Variants in ERAP1 observed in about 807,000 individuals in gnomAD.
ERAP1 encodes the protein endoplasmic reticulum aminopeptidase 1.
A neutral mutation model predicts 103.7 loss-of-function variants in ERAP1; 86 were observed. That is an observed-to-expected ratio of 0.83 (90% CI 0.70 to 0.99). The LOEUF (loss-of-function observed/expected upper bound fraction) is 0.99, where lower values mean the gene tolerates loss of function less well. Ranked by LOEUF, ERAP1 falls within the 50% of genes least tolerant of loss-of-function variation. ERAP1 has a pLI of 0.00. For synonymous variants in ERAP1, 398 were observed against 402.4 expected (o/e 0.99, Z 0.13); for missense variants, 1,009 against 1,128.4 (o/e 0.89, Z 1.52).
the ERAP1 span, chr5:96,935,171 C>A: frequency 6.6e-6 from 1 of 152,200 alleles, no homozygotes; most frequent in Non-Finnish European, 1.5e-5. Flanking sequence ...CCCCGGGAAC[C>A]GCAGGTGTTG....
chr5:96,856,365 T>TATATATAGAGAGAGAGAG, the ERAP1 span, among the ~76,000 whole-genome samples: 22 of 20,380 alleles, frequency 1.1e-3, 1 homozygote, highest in African/African-American at 2.0e-3. Context: ...TATATATATA[T>TATATATAGAGAGAGAGAG]AGAGAGAGAG....
In ERAP1 at chr5:96,776,343, T is replaced by TCAA. The variant is rs1288132457; in HGVS notation, c.*50_*52dup. The TCAA allele has an allele frequency of 3.8e-6, 6 of 1,572,702 alleles. No individual in the cohort carries two copies. In the African/African-American group the frequency reaches 6.8e-5, roughly 18 times the overall value. On this transcript the variant is annotated 3_prime_UTR_variant, in exon 19 of 19. Transcript: ENST00000443439. ...AGCCATCTCTAGTTTGAAAATACAC[T>TCAA]CAACAAAATGTTGGTGATTAGAGAT...
At chr5:96,883,182 T>C in the ERAP1 span, among the ~76,000 whole-genome samples, 1 of 152,164 alleles carries the variant, frequency 6.6e-6, no homozygotes, top group African/African-American at 2.4e-5. Flanking sequence ...CGTGAAGGCG[T>C]AGTTTGCATC....
upstream of ERAP1, among the ~76,000 whole-genome samples, chr5:96,809,312 T>C (rs1327034103): frequency 6.6e-6 from 1 of 152,210 alleles, no homozygotes; most frequent in East Asian, 1.9e-4. Flanking sequence ...GTCTCAGCCT[T>C]ATTTTACCCA....
chr5:96,807,728 C>G (rs921733465), intron 1 of ERAP1, 132 bp downstream of exon 1: 2 of 580,048 alleles, frequency 3.4e-6, no homozygotes, highest in Non-Finnish European at 4.4e-6. Flanking sequence ...CGTCTCCCTC[C>G]TCCCGTGCCC....
chr5:96,923,388 G>A, the ERAP1 span, among the ~76,000 whole-genome samples: 1 of 152,046 alleles, frequency 6.6e-6, no homozygotes, highest in Non-Finnish European at 1.5e-5. Context: ...AACCTAAAAC[G>A]TGCTGTCTAA....
At chr5:96,883,987 G>A in the ERAP1 span, 34 of 1,493,648 alleles carry the variant, frequency 2.3e-5, no homozygotes, top group Middle Eastern at 1.8e-4. Context: ...CTCAGTCTTC[G>A]TTTGTTTTTT....
At chr5:96,902,553 G>A in the ERAP1 span, 23 of 491,770 alleles carry the variant, frequency 4.7e-5, no homozygotes, top group South Asian at 2.6e-4. Context: ...GTTCTCTTGC[G>A]CTTTTATCAT....
chr5:96,874,080 A>G, the ERAP1 span, among the ~76,000 whole-genome samples: 1 of 151,298 alleles, frequency 6.6e-6, no homozygotes, highest in African/African-American at 2.4e-5. Context: ...GCTTATCCCA[A>G]AGAAAAGAGA....
chr5:96,811,162 T>C (rs1779129744), upstream of ERAP1, among the ~76,000 whole-genome samples: 1 of 152,052 alleles, frequency 6.6e-6, no homozygotes, highest in Non-Finnish European at 1.5e-5. Context: ...GAGGATGACT[T>C]TTTTCCCCCT....
chr5:96,895,449 C>T, the ERAP1 span: 3 of 929,790 alleles, frequency 3.2e-6, no homozygotes, highest in South Asian at 4.4e-5. Flanking sequence ...AACAGAAAAA[C>T]TACATAATGT....
At chr5:96,890,024 TA>T in the ERAP1 span, among the ~76,000 whole-genome samples, 12 of 152,184 alleles carry the variant, frequency 7.9e-5, no homozygotes, top group Admixed American at 7.9e-4. Context: ...GGTTGGATGG[TA>T]AGACTGTGGA....
exon 20 of ERAP1, chr5:96,762,224 T>C (rs902225036): frequency 8.2e-7 from 1 of 1,218,102 alleles, no homozygotes; most frequent in Admixed American, 2.1e-5. Context: ...GGCATTGTGC[T>C]CATAATTTTA....
At chr5:96,824,378 G>T in the ERAP1 span, among the ~76,000 whole-genome samples, 1 of 152,158 alleles carries the variant, frequency 6.6e-6, no homozygotes, top group Non-Finnish European at 1.5e-5. Flanking sequence ...GGTCTCTTCT[G>T]CTGGCCCAGG....
the ERAP1 span, among the ~76,000 whole-genome samples, chr5:96,892,097 T>C: frequency 6.6e-6 from 1 of 152,344 alleles, no homozygotes; most frequent in African/African-American, 2.4e-5. Context: ...AAACTCTTTG[T>C]ACAACTTATT....
chr5:96,767,599 C>G (rs1055873906), intron 19 of ERAP1: 12 of 732,824 alleles, frequency 1.6e-5, no homozygotes, highest in African/African-American at 3.5e-5. Flanking sequence ...GGTACTTTGT[C>G]AAAGCATGCA....
chr5:96,828,849 T>C, the ERAP1 span, among the ~76,000 whole-genome samples: 1 of 152,166 alleles, frequency 6.6e-6, no homozygotes, highest in Non-Finnish European at 1.5e-5. Flanking sequence ...TCGTGACTTT[T>C]TTTTTATTAT....
At chr5:96,825,088 T>C in the ERAP1 span, among the ~76,000 whole-genome samples, 2 of 152,210 alleles carry the variant, frequency 1.3e-5, no homozygotes, top group Non-Finnish European at 2.9e-5. Flanking sequence ...TTCTATTTAC[T>C]TGGTCATTGG....
intron 18 of ERAP1, 57 bp from the exon 19 acceptor site, chr5:96,776,608 A>ACTT (rs1396183864): frequency 6.3e-7 from 1 of 1,590,076 alleles, no homozygotes; most frequent in South Asian, 1.1e-5. Context: ...ATCAGATGTA[A>ACTT]CTTTAGTTAA....
Sources: gnomAD v4.1 joint callset for allele counts (sites outside exome capture counted in the v4.1 genomes callset) on GRCh38, gnomAD v4.1.1 for gene constraint, MANE v1.5 for transcripts, NCBI Gene and HGNC (gene_info 2026-07-23, HGNC 2026-07-21) for gene names.